Variants in FER observed in about 807,000 individuals in gnomAD.
The protein encoded by FER is tyrosine-protein kinase Fer.
A neutral mutation model predicts 111.0 loss-of-function variants in FER; 63 were observed. That is an observed-to-expected ratio of 0.57 (90% CI 0.46 to 0.70). FER has a LOEUF of 0.70. Ranked by LOEUF, FER falls within the 30% of genes least tolerant of loss-of-function variation. The pLI is 0.00. For synonymous variants in FER, 327 were observed against 313.9 expected (o/e 1.04, Z -0.44); for missense variants, 914 against 954.0 (o/e 0.96, Z 0.55).
intron 3 of FER, among the ~76,000 whole-genome samples, chr5:108,799,621 T>C (rs1313194526): frequency 6.6e-6 from 1 of 152,224 alleles, no homozygotes; most frequent in Non-Finnish European, 1.5e-5. Context: ...AATGATTTGT[T>C]ATTTATCTGA....
chr5:109,179,204 A>T (rs1166252349), intron 17 of FER, among the ~76,000 whole-genome samples: 2 of 152,232 alleles, frequency 1.3e-5, no homozygotes, highest in Non-Finnish European at 2.9e-5. Context: ...TGAGAGGCAG[A>T]TATCAGAAAA....
At chr5:108,846,548 T>C (rs1231863024) in intron 5 of FER, among the ~76,000 whole-genome samples, 1 of 152,062 alleles carries the variant, frequency 6.6e-6, no homozygotes, top group African/African-American at 2.4e-5. Flanking sequence ...AGTAATTTGT[T>C]CATAATAGTC....
intron 16 of FER, among the ~76,000 whole-genome samples, chr5:109,058,305 A>G (rs1773899707): frequency 6.6e-6 from 1 of 152,152 alleles, no homozygotes; most frequent in Non-Finnish European, 1.5e-5. Context: ...CAGAAATAAG[A>G]TAGATATGCT....
intron 13 of FER, among the ~76,000 whole-genome samples, chr5:109,027,675 A>G (rs1768951325): frequency 6.6e-6 from 1 of 152,184 alleles, no homozygotes; most frequent in African/African-American, 2.4e-5. Context: ...GACATAATAA[A>G]TAATGACCAT....
intron 13 of FER, among the ~76,000 whole-genome samples, chr5:109,016,006 T>C (rs1443321906): frequency 6.6e-6 from 1 of 151,988 alleles, no homozygotes; most frequent in East Asian, 1.9e-4. Context: ...CTTGGAGGAC[T>C]GGGTCACATT....
chr5:109,154,683 A>G (rs1482523031), intron 17 of FER, among the ~76,000 whole-genome samples: 3 of 151,948 alleles, frequency 2.0e-5, no homozygotes, highest in South Asian at 2.1e-4. Flanking sequence ...TTCGACATCT[A>G]TATCACTTTT....
chr5:108,776,393 A>C (rs1372868165), intron 2 of FER, among the ~76,000 whole-genome samples: 1 of 152,178 alleles, frequency 6.6e-6, no homozygotes, highest in Admixed American at 6.6e-5. Context: ...TAGGCAATTT[A>C]TTACTAATTA....
At chr5:108,966,388 CT>C (rs34899054) in intron 13 of FER, among the ~76,000 whole-genome samples, 39,236 of 124,496 alleles carry the variant, frequency 0.32, 4,023 homozygotes, top group African/African-American at 0.35. Context: ...TTTTTCTTTT[CT>C]TTTTTTTTTT....
At chr5:108,803,349 G>T (rs574503390) in intron 3 of FER, among the ~76,000 whole-genome samples, 1 of 152,182 alleles carries the variant, frequency 6.6e-6, no homozygotes, top group East Asian at 1.9e-4. Flanking sequence ...AGTCCCACTT[G>T]TCAATTTTCA....
At chr5:108,975,198 A>G (rs983768516) in intron 13 of FER, among the ~76,000 whole-genome samples, 6 of 152,208 alleles carry the variant, frequency 3.9e-5, no homozygotes, top group African/African-American at 1.2e-4. Context: ...TGGGAGTTGA[A>G]CAGTGAGAAC....
intron 17 of FER, among the ~76,000 whole-genome samples, chr5:109,158,859 A>G (rs1224421950): frequency 6.6e-6 from 1 of 152,140 alleles, no homozygotes; most frequent in South Asian, 2.1e-4. Context: ...AATCATACCT[A>G]TTCTTAGAAC....
chr5:109,140,949 T>C (rs1414533378), intron 17 of FER, among the ~76,000 whole-genome samples: 1 of 152,198 alleles, frequency 6.6e-6, no homozygotes, highest in Non-Finnish European at 1.5e-5. Flanking sequence ...GGTAAAATTC[T>C]GGACCCATAT....
At chr5:109,184,145 T>G (rs1300133554) in intron 18 of FER, among the ~76,000 whole-genome samples, 2 of 152,214 alleles carry the variant, frequency 1.3e-5, no homozygotes, top group Non-Finnish European at 2.9e-5. Context: ...AATCATCTAT[T>G]TATCATCAAT....
At chr5:108,854,952 A>G (rs1186361971) in intron 5 of FER, among the ~76,000 whole-genome samples, 1 of 150,072 alleles carries the variant, frequency 6.7e-6, no homozygotes, top group Non-Finnish European at 1.5e-5. Flanking sequence ...GTCTCAAAAA[A>G]AAAAAAAAAA....
Position 109,095,671 on chromosome 5 carries a change from AT to A in FER, c.1925-4720del, listed in dbSNP as rs541121873. The stretch of plus-strand genomic sequence containing the variant: ...ATTGTCGTTTATATTTGTCATATCG[AT>A]TTTTCCCCGTCATTTCTGATGGGCT... On this transcript the variant is annotated intron_variant, in intron 16 of 19. Coordinates refer to ENST00000281092, the MANE Select transcript of FER (RefSeq NM_005246.4). Among the ~76,000 whole-genome samples, 6 of 152,032 alleles carry A rather than the reference AT, an allele frequency of 3.9e-5. No individual in the cohort carries two copies. The South Asian group carries it at 6.2e-4, about 16-fold the overall frequency.
intron 5 of FER, chr5:108,841,808 C>CT: frequency 1.7e-5 from 7 of 421,272 alleles, no homozygotes; most frequent in Admixed American, 5.9e-5. Context: ...GTCTTCCTTT[C>CT]TTTTTTTCCT....
chr5:109,106,971 G>T (rs889526995), intron 17 of FER, among the ~76,000 whole-genome samples: 1 of 152,170 alleles, frequency 6.6e-6, no homozygotes, highest in Non-Finnish European at 1.5e-5. Context: ...TAGGAAAGAT[G>T]CAGTATATGC....
chr5:109,137,418 T>C (rs1451297905), intron 17 of FER, among the ~76,000 whole-genome samples: 1 of 152,204 alleles, frequency 6.6e-6, no homozygotes, highest in Non-Finnish European at 1.5e-5. Flanking sequence ...GACAGGCCTG[T>C]TTTTCTCTAT....
At chr5:108,804,060 T>A (rs1361062114) in intron 3 of FER, among the ~76,000 whole-genome samples, 1 of 152,222 alleles carries the variant, frequency 6.6e-6, no homozygotes, top group African/African-American at 2.4e-5. Context: ...CTTGGTTAAA[T>A]GTATCCCTAG....
Sources: gnomAD v4.1 joint callset for allele counts (sites outside exome capture counted in the v4.1 genomes callset) on GRCh38, gnomAD v4.1.1 for gene constraint, MANE v1.5 for transcripts, NCBI Gene and HGNC (gene_info 2026-07-23, HGNC 2026-07-21) for gene names.